TIFAB: variants seen among roughly 807,000 people sequenced by gnomAD.
TIFAB encodes the protein TIFA inhibitor.
For synonymous variants in TIFAB, 116 were observed against 95.2 expected (o/e 1.22, Z -1.27); for missense variants, 222 against 203.6 (o/e 1.09, Z -0.55).
chr5:135,447,233 G>A lies in TIFAB; in HGVS notation c.*2221C>T. On this transcript the variant is annotated 3_prime_UTR_variant, in exon 2 of 2. Transcript: ENST00000537858. ...CCCATTATACTAACCCTGCCTATTGGACCTTCTGATGCAAGGAGCAGATTA... is the reference window on the plus strand; with the variant it reads ...CCCATTATACTAACCCTGCCTATTGAACCTTCTGATGCAAGGAGCAGATTA... The A allele has an allele frequency of 8.4e-7, 1 of 1,183,808 alleles. No homozygotes were observed. Among genetic ancestry groups the A allele is most frequent in the African/African-American group, 1.5e-5 (1 of 65,456 alleles). 73.3% of individuals were successfully genotyped at this position (1,183,808 alleles called of 1,614,324 possible).
At position 135,449,088 on chromosome 5, in the gene TIFAB, G is replaced by C. The variant is rs545917662; in HGVS notation, c.*366C>G. ...ACAACAGGGAGAAATGTGTGGAAAT[G>C]CTGAGAGAGGCTCCCCAGAACCCCT... On this transcript the variant is annotated 3_prime_UTR_variant, in exon 2 of 2. Coordinates refer to ENST00000537858, the MANE Select transcript of TIFAB (RefSeq NM_001099221.2). 2.9e-5 allele frequency: 7 copies of C among 243,328 alleles called. No individual in the cohort carries two copies. The highest frequency in any genetic ancestry group is 1.3e-4 in the African/African-American group (6 of 46,290). The allele number at this position is 243,328 out of a possible 1,614,324, so 15.1% of individuals were successfully genotyped here.
chr5:135,449,318 T>C lies in TIFAB; in HGVS notation c.*136A>G. ...TTCATCTAGCAAAGGCTTGCTCTAG[T>C]GGCAGGGCTAGCAGAGTGCACTGTC... On this transcript the variant is annotated 3_prime_UTR_variant, in exon 2 of 2. Transcript: ENST00000537858. 1.6e-6 allele frequency: 2 copies of C among 1,233,098 alleles called. No individual in the cohort carries two copies. Among genetic ancestry groups the C allele is most frequent in the Non-Finnish European group, 2.2e-6 (2 of 905,534 alleles). 76.4% of individuals were successfully genotyped at this position (1,233,098 alleles called of 1,614,324 possible).
rs1383954175 is a variant in TIFAB at position 135,448,578 on chromosome 5, T to G, written c.*876A>C. On this transcript the variant is annotated 3_prime_UTR_variant, in exon 2 of 2. Coordinates refer to ENST00000537858, the MANE Select transcript of TIFAB (RefSeq NM_001099221.2). ...ACCCCCACCCCATCCCCTCATTCCC[T>G]AAAGACCTTGCCCTCAAGTCAACCA... 1 of 149,644 alleles carries G rather than the reference T, an allele frequency of 6.7e-6. No homozygotes were observed. Among genetic ancestry groups the G allele is most frequent in the Non-Finnish European group, 1.5e-5 (1 of 67,664 alleles). 9.3% of individuals were successfully genotyped at this position (149,644 alleles called of 1,614,324 possible).
In TIFAB at chr5:135,444,528, A is replaced by C. The variant is rs920943717; in HGVS notation, c.*4926T>G. ...GGGTGGATGCTGAGGAAGAGAAAAC[A>C]GAGCAGAGCTGGAGAAGTTCGTACA... is the stretch of plus-strand genomic sequence containing the variant. On this transcript the variant is annotated 3_prime_UTR_variant, in exon 2 of 2. Transcript: ENST00000537858. The C allele has an allele frequency of 6.6e-6, 1 of 152,378 alleles. No homozygotes were observed. The highest frequency in any genetic ancestry group is 2.4e-5 in the African/African-American group (1 of 41,472). 9.4% of individuals were successfully genotyped at this position (152,378 alleles called of 1,614,324 possible).
At chr5:135,451,456 A>G (rs937086686) in intron 1 of TIFAB, among the ~76,000 whole-genome samples, 3 of 151,192 alleles carry the variant, frequency 2.0e-5, no homozygotes, top group East Asian at 1.9e-4. Flanking sequence ...CCATCTGGCC[A>G]TAGTCTGCCG....
chr5:135,449,513 C>A lies in TIFAB; in HGVS notation c.427G>T (p.Glu143Ter). ...PSPLIYRPEA[E>*]ETDEWEGISQ... ...ATGCCTTCCCATTCGTCAGTTTCCT[C>A]AGCCTCAGGTCTGTAAATCAGGGGT... Residue 143 changes from glutamate to a stop codon, truncating the protein, a stop_gained, in exon 2 of 2, where the codon GAG becomes TAG. Transcript: ENST00000537858. LOFTEE classifies it low-confidence loss of function (END_TRUNC). 1.2e-6 allele frequency: 2 copies of A among 1,614,216 alleles called. No homozygotes were observed. Among genetic ancestry groups the A allele is most frequent in the Non-Finnish European group, 1.7e-6 (2 of 1,180,040 alleles).
intron 1 of TIFAB, among the ~76,000 whole-genome samples, chr5:135,451,162 G>A (rs935220880): frequency 6.6e-6 from 1 of 152,092 alleles, no homozygotes; most frequent in Non-Finnish European, 1.5e-5. Context: ...CACATTTGCC[G>A]AGTGGCTAAA....
Position 135,446,924 on chromosome 5 carries a change from C to G in TIFAB, c.*2530G>C, listed in dbSNP as rs1769278086. 4 of 1,612,904 alleles carry G rather than the reference C, an allele frequency of 2.5e-6. No homozygotes were observed. The highest frequency in any genetic ancestry group is 3.4e-6 in the Non-Finnish European group (4 of 1,179,416). ...TGGAGGGTAGAGACCCTCACTGAGGCCCTGGAGAGGGGCACTCAGGGGCAG... is the reference window on the plus strand; with the variant it reads ...TGGAGGGTAGAGACCCTCACTGAGGGCCTGGAGAGGGGCACTCAGGGGCAG... On this transcript the variant is annotated 3_prime_UTR_variant, in exon 2 of 2. Transcript: ENST00000537858.
chr5:135,446,214 A>G lies in TIFAB; in HGVS notation c.*3240T>C. The G allele has an allele frequency of 1.2e-6, 1 of 857,630 alleles. No homozygotes were observed. The highest frequency in any genetic ancestry group is 1.8e-6 in the Non-Finnish European group (1 of 562,746). The allele number at this position is 857,630 out of a possible 1,614,324, so 53.1% of individuals were successfully genotyped here. On this transcript the variant is annotated 3_prime_UTR_variant, in exon 2 of 2. Transcript: ENST00000537858. Reference sequence around the variant, plus strand: ...CACGGAGAGATTCAGTTACTTGTCCAGGATCACAGAACTATAGTAAGTGGG... The same window carrying G: ...CACGGAGAGATTCAGTTACTTGTCCGGGATCACAGAACTATAGTAAGTGGG...
rs572376932 is a variant in TIFAB at position 135,446,322 on chromosome 5, C to T, written c.*3132G>A. On this transcript the variant is annotated 3_prime_UTR_variant, in exon 2 of 2. Coordinates refer to ENST00000537858, the MANE Select transcript of TIFAB (RefSeq NM_001099221.2). ...GCAGCGTTCATGTGCACTGTATGTT[C>T]GTGTTTAGTGTATGTCTGTGCATAC... 17 of 1,538,288 alleles carry T rather than the reference C, an allele frequency of 1.1e-5. No homozygotes were observed. Among genetic ancestry groups the T allele is most frequent in the Non-Finnish European group, 1.3e-5 (15 of 1,141,050 alleles).
Position 135,449,184 on chromosome 5 carries a change from C to G in TIFAB, c.*270G>C, listed in dbSNP as rs897728209. ...CTGGCCACAGAGGGTGCTTCTCCCCCCTGGGCTGTTTGTTCGGTGTTTGCA... is the reference window on the plus strand; with the variant it reads ...CTGGCCACAGAGGGTGCTTCTCCCCGCTGGGCTGTTTGTTCGGTGTTTGCA... On this transcript the variant is annotated 3_prime_UTR_variant, in exon 2 of 2. Transcript: ENST00000537858. The G allele has an allele frequency of 8.7e-5, 45 of 516,906 alleles. No individual in the cohort carries two copies. Among genetic ancestry groups the G allele is most frequent in the African/African-American group, 5.3e-4 (28 of 52,352 alleles). The allele number at this position is 516,906 out of a possible 1,614,324, so 32.0% of individuals were successfully genotyped here.
In TIFAB at chr5:135,447,315, G is replaced by A; in HGVS notation, c.*2139C>T. 1 of 636,688 alleles carries A rather than the reference G, an allele frequency of 1.6e-6. No homozygotes were observed. Among genetic ancestry groups the A allele is most frequent in the Non-Finnish European group, 2.8e-6 (1 of 360,330 alleles). The allele number at this position is 636,688 out of a possible 1,614,324, so 39.4% of individuals were successfully genotyped here. A position where few individuals can be genotyped will look rare whatever the true frequency, so the allele number is the denominator to read the frequency against. ...GGCTACAACTAAATCCCTAGTTGGGGAATCACAGAGCACAGGTAAGCCCTT... is the reference window on the plus strand; with the variant it reads ...GGCTACAACTAAATCCCTAGTTGGGAAATCACAGAGCACAGGTAAGCCCTT... On this transcript the variant is annotated 3_prime_UTR_variant, in exon 2 of 2. Transcript: ENST00000537858.
rs1411667437 is a variant in TIFAB, at chr5:135,444,320, A to G, written c.*5134T>C. 1.3e-5 allele frequency: 2 copies of G among 152,210 alleles called. No individual in the cohort carries two copies. The highest frequency in any genetic ancestry group is 1.5e-5 in the Non-Finnish European group (1 of 68,044). The allele number at this position is 152,210 out of a possible 1,614,324, so 9.4% of individuals were successfully genotyped here. On this transcript the variant is annotated 3_prime_UTR_variant, in exon 2 of 2. Transcript: ENST00000537858. Reference sequence around the variant, plus strand: ...TCAAATAGGGTTCATTAAATTCGGCATCTCCTCTTAACTGGGCTGGGTTGT... The same window carrying G: ...TCAAATAGGGTTCATTAAATTCGGCGTCTCCTCTTAACTGGGCTGGGTTGT...
rs577758132 is a variant in TIFAB at position 135,448,299 on chromosome 5, G to A, written c.*1155C>T. 6.6e-6 allele frequency: 1 copy of A among 152,166 alleles called. No homozygotes were observed. Among genetic ancestry groups the A allele is most frequent in the Non-Finnish European group, 1.5e-5 (1 of 68,024 alleles). The allele number at this position is 152,166 out of a possible 1,614,324, so 9.4% of individuals were successfully genotyped here. A position where few individuals can be genotyped will look rare whatever the true frequency, so the allele number is the denominator to read the frequency against. On this transcript the variant is annotated 3_prime_UTR_variant, in exon 2 of 2. Transcript: ENST00000537858. ...CCCTTGGTGCCTCAGATTCCCTGGA[G>A]AGTGGGGTCTGGGATCATGGTGACC... is the stretch of plus-strand genomic sequence containing the variant.
In TIFAB at chr5:135,449,502, G is replaced by T; in HGVS notation, c.438C>A (p.Asp146Glu). Residue 146 changes from aspartate (D) to glutamate (E), a missense_variant, in exon 2 of 2, where the codon GAC (aspartate) becomes GAA (glutamate). Asp to Glu is a conservative substitution (Grantham distance 45). Coordinates refer to ENST00000537858, the MANE Select transcript of TIFAB (RefSeq NM_001099221.2). ...LIYRPEAEET[D>E]EWEGISQGQP... is the part of the protein sequence containing the mutation. ...GCCCCTGGGAGATGCCTTCCCATTC[G>T]TCAGTTTCCTCAGCCTCAGGTCTGT... The T allele has an allele frequency of 6.2e-7, 1 of 1,614,200 alleles. No individual in the cohort carries two copies. The highest frequency in any genetic ancestry group is 8.5e-7 in the Non-Finnish European group (1 of 1,180,036).
Position 135,444,598 on chromosome 5 carries a change from A to C in TIFAB, c.*4856T>G, listed in dbSNP as rs1032004784. Reference sequence around the variant, plus strand: ...GGTGGCTCAGCTGGCAGCCCACTGCAGGGGTGGTGGAGGTCGCAATGCGCT... The same window carrying C: ...GGTGGCTCAGCTGGCAGCCCACTGCCGGGGTGGTGGAGGTCGCAATGCGCT... On this transcript the variant is annotated 3_prime_UTR_variant, in exon 2 of 2. Transcript: ENST00000537858. The C allele has an allele frequency of 1.3e-5, 2 of 152,296 alleles. No individual in the cohort carries two copies. Among genetic ancestry groups the C allele is most frequent in the Non-Finnish European group, 2.9e-5 (2 of 68,094 alleles). The allele number at this position is 152,296 out of a possible 1,614,324, so 9.4% of individuals were successfully genotyped here.
rs997256869 is a variant in TIFAB at position 135,447,681 on chromosome 5, G to C, written c.*1773C>G. The C allele has an allele frequency of 1.2e-5, 2 of 160,684 alleles. No individual in the cohort carries two copies. The highest frequency in any genetic ancestry group is 2.8e-5 in the Non-Finnish European group (2 of 72,346). 10.0% of individuals were successfully genotyped at this position (160,684 alleles called of 1,614,324 possible). ...GTGCAGTTAATACACACAGCACCTA[G>C]CAGAGTGCTAAGCACATGGTAGGCA... On this transcript the variant is annotated 3_prime_UTR_variant, in exon 2 of 2. Transcript: ENST00000537858.
At chr5:135,451,011 C>T (rs1769354229) in intron 1 of TIFAB, among the ~76,000 whole-genome samples, 1 of 152,236 alleles carries the variant, frequency 6.6e-6, no homozygotes, top group South Asian at 2.1e-4. Flanking sequence ...TCTGTGGGCC[C>T]TTGTCCTGTC....
rs1284245031 is a variant in TIFAB, at chr5:135,449,306, G to A, written c.*148C>T. ...TTCAAATCCTGTTTCATCTAGCAAA[G>A]GCTTGCTCTAGTGGCAGGGCTAGCA... On this transcript the variant is annotated 3_prime_UTR_variant, in exon 2 of 2. Coordinates refer to ENST00000537858, the MANE Select transcript of TIFAB (RefSeq NM_001099221.2). 1.7e-6 allele frequency: 2 copies of A among 1,158,156 alleles called. No homozygotes were observed. Among genetic ancestry groups the A allele is most frequent in the East Asian group, 4.9e-5 (2 of 40,654 alleles). 71.7% of individuals were successfully genotyped at this position (1,158,156 alleles called of 1,614,324 possible).
Sources: allele counts gnomAD v4.1 joint callset (sites outside exome capture counted in the v4.1 genomes callset), GRCh38; gene constraint gnomAD v4.1.1; transcripts MANE v1.5; gene names NCBI Gene and HGNC (gene_info 2026-07-23, HGNC 2026-07-21).